DAAM1: variants seen among roughly 807,000 people sequenced by gnomAD.
DAAM1 encodes the protein disheveled-associated activator of morphogenesis 1.
DAAM1 carries 52 observed loss-of-function variants against 130.0 expected under a neutral mutation model. That is an observed-to-expected ratio of 0.40 (90% CI 0.32 to 0.50). The LOEUF (loss-of-function observed/expected upper bound fraction) is 0.50. Among genes scored for constraint, DAAM1 ranks in the 20% least tolerant of loss-of-function variants. The pLI is 0.61. For synonymous variants in DAAM1, 452 were observed against 444.5 expected (o/e 1.02, Z -0.21); for missense variants, 1,134 against 1,303.8 (o/e 0.87, Z 2.01).
At chr14:59,306,714 G>A (rs1351600852) in intron 3 of DAAM1, among the ~76,000 whole-genome samples, 1 of 151,798 alleles carries the variant, frequency 6.6e-6, no homozygotes, top group East Asian at 1.9e-4. Flanking sequence ...AATAATGCAG[G>A]AAGACTTAGT....
intron 1 of DAAM1, among the ~76,000 whole-genome samples, chr14:59,258,100 G>A (rs184817852): frequency 6.9e-4 from 105 of 152,196 alleles, no homozygotes; most frequent in Middle Eastern, 6.8e-3. Context: ...AAGCACACAG[G>A]CATCTTTTCT....
intron 1 of DAAM1, among the ~76,000 whole-genome samples, chr14:59,247,672 C>T (rs771939621): frequency 2.6e-5 from 4 of 151,392 alleles, no homozygotes; most frequent in African/African-American, 7.3e-5. Flanking sequence ...AAACTTTCAG[C>T]GACAGGTTGA....
At chr14:59,203,727 A>T (rs553805012) in intron 1 of DAAM1, among the ~76,000 whole-genome samples, 1 of 152,200 alleles carries the variant, frequency 6.6e-6, no homozygotes, top group African/African-American at 2.4e-5. Context: ...AAGCTTTCTT[A>T]TACTTTATAC....
intron 1 of DAAM1, among the ~76,000 whole-genome samples, chr14:59,218,550 A>G (rs915175207): frequency 2.0e-5 from 3 of 152,238 alleles, no homozygotes; most frequent in Non-Finnish European, 4.4e-5. Context: ...CTGAAACAAT[A>G]TGTAAATAGT....
chr14:59,330,687 G>A lies in DAAM1; in HGVS notation c.1559G>A (p.Arg520Lys). Reference protein sequence around the residue: ...DLTAQLHELSRRAVCASIPGG... With the variant: ...DLTAQLHELSKRAVCASIPGG... Reference sequence around the variant, plus strand: ...ACAGCACAGCTCCATGAGCTCAGCAGGGTGAGGTCTTCCGCTCAGCTCACG... The same window carrying A: ...ACAGCACAGCTCCATGAGCTCAGCAAGGTGAGGTCTTCCGCTCAGCTCACG... The change falls in exon 13 of 25, where the codon AGG becomes AAG. Residue 520 changes from arginine to lysine, a missense_variant and splice_region_variant. Physicochemically the swap from Arg to Lys is conservative, Grantham distance 26. This residue lies in a region of DAAM1 where 644 missense variants were observed against 695.9 expected (regional missense o/e 0.93). Coordinates refer to ENST00000360909, the MANE Select transcript of DAAM1 (RefSeq NM_001270520.2). 1 of 1,607,212 alleles carries A rather than the reference G, an allele frequency of 6.2e-7. No homozygotes were observed. The highest frequency in any genetic ancestry group is 1.7e-5 in the Admixed American group (1 of 58,918).
At position 59,356,718 on chromosome 14, in the gene DAAM1, A is replaced by G. The variant is rs531510164; in HGVS notation, c.2525+1385A>G. ...GCATTCTCTTCAACTGTACACACAC[A>G]AAAGCAATCACCCATCCCCAATACT... On this transcript the variant is annotated intron_variant, in intron 20 of 24. Transcript: ENST00000360909. 1.3e-4 allele frequency among the ~76,000 whole-genome samples: 20 copies of G among 152,380 alleles called. No individual in the cohort carries two copies. In the South Asian group the frequency reaches 3.3e-3, roughly 25 times the overall value.
chr14:59,228,186 AAATGT>A (rs1315665087), intron 1 of DAAM1, among the ~76,000 whole-genome samples: 1 of 152,202 alleles, frequency 6.6e-6, no homozygotes, highest in Admixed American at 6.5e-5. Flanking sequence ...CATGATGGGA[AAATGT>A]AATCACAGTG....
rs2139434947 is a variant in DAAM1 at position 59,225,755 on chromosome 14, C to G, written c.-38+36987C>G. 1.3e-5 allele frequency among the ~76,000 whole-genome samples: 2 copies of G among 152,300 alleles called. 1 individual carries two copies. The highest frequency in any genetic ancestry group is 4.8e-5 in the African/African-American group (2 of 41,544). Reference sequence around the variant, plus strand: ...GTACAGATTCTGGGCAAGGTTTGATCTAGTTTCCTTTTTTGTAAAGTATTA... The same window carrying G: ...GTACAGATTCTGGGCAAGGTTTGATGTAGTTTCCTTTTTTGTAAAGTATTA... On this transcript the variant is annotated intron_variant, in intron 1 of 24. Transcript: ENST00000360909.
intron 1 of DAAM1, among the ~76,000 whole-genome samples, chr14:59,254,764 C>G (rs1417314639): frequency 6.6e-6 from 1 of 152,154 alleles, no homozygotes; most frequent in African/African-American, 2.4e-5. Context: ...GGATTTATAC[C>G]CTAAACCCAT....
chr14:59,262,148 T>A (rs1291167692), intron 1 of DAAM1, among the ~76,000 whole-genome samples: 1 of 152,200 alleles, frequency 6.6e-6, no homozygotes, highest in Non-Finnish European at 1.5e-5. Context: ...TAAAAAAGCA[T>A]GAAAAGAACA....
At position 59,331,465 on chromosome 14, in the gene DAAM1, C is replaced by T; in HGVS notation, c.1817C>T (p.Pro606Leu). 6.2e-7 allele frequency: 1 copy of T among 1,611,834 alleles called. No homozygotes were observed. The highest frequency in any genetic ancestry group is 8.5e-7 in the Non-Finnish European group (1 of 1,178,920). The change falls in exon 14 of 25, where the codon CCC becomes CTC. Residue 606 changes from proline to leucine, a missense_variant. Transcript: ENST00000360909. ...CTGAAGAAGAAAAGCATTCCTCAGCCCACAAATGCCCTGAAATCCTTCAAC... is the reference window on the plus strand; with the variant it reads ...CTGAAGAAGAAAAGCATTCCTCAGCTCACAAATGCCCTGAAATCCTTCAAC... ...LALKKKSIPQPTNALKSFNWS... is the reference protein window; with the variant it reads ...LALKKKSIPQLTNALKSFNWS...
chr14:59,275,344 A>T (rs980736626), intron 2 of DAAM1, among the ~76,000 whole-genome samples: 1 of 152,196 alleles, frequency 6.6e-6, no homozygotes, highest in Non-Finnish European at 1.5e-5. Context: ...ACTAGGTTTA[A>T]TAGCTGGGTG....
intron 1 of DAAM1, among the ~76,000 whole-genome samples, chr14:59,228,977 A>G (rs1358108383): frequency 5.9e-5 from 9 of 152,184 alleles, no homozygotes; most frequent in Admixed American, 5.9e-4. Flanking sequence ...CATTGTATTT[A>G]GAAAATGTTA....
intron 3 of DAAM1, among the ~76,000 whole-genome samples, chr14:59,296,192 GC>G (rs2056273599): frequency 6.6e-6 from 1 of 152,216 alleles, no homozygotes; most frequent in South Asian, 2.1e-4. Flanking sequence ...AAGCACAGTA[GC>G]TGCAGGACAA....
At chr14:59,209,744 T>C (rs1011017215) in intron 1 of DAAM1, among the ~76,000 whole-genome samples, 5 of 152,180 alleles carry the variant, frequency 3.3e-5, no homozygotes, top group Non-Finnish European at 2.9e-5. Flanking sequence ...TACAGTGTTA[T>C]CAACATACAA....
intron 22 of DAAM1, chr14:59,363,072 T>C (rs940836581): frequency 1.3e-5 from 2 of 152,580 alleles, no homozygotes; most frequent in African/African-American, 2.4e-5. Context: ...AATGGAAATA[T>C]GGATAATTAA....
At chr14:59,195,408 G>A (rs1430139332) in intron 1 of DAAM1, among the ~76,000 whole-genome samples, 1 of 152,088 alleles carries the variant, frequency 6.6e-6, no homozygotes, top group Non-Finnish European at 1.5e-5. Flanking sequence ...CTCCCAAAGA[G>A]CTGGGATTAC....
chr14:59,199,849 A>G (rs1294169862), intron 1 of DAAM1, among the ~76,000 whole-genome samples: 1 of 152,192 alleles, frequency 6.6e-6, no homozygotes, highest in Non-Finnish European at 1.5e-5. Context: ...AGATGCCAGT[A>G]ACATCCCCTC....
At chr14:59,200,299 A>G (rs1364186470) in intron 1 of DAAM1, among the ~76,000 whole-genome samples, 1 of 152,140 alleles carries the variant, frequency 6.6e-6, no homozygotes, top group Non-Finnish European at 1.5e-5. Flanking sequence ...GGTAAGGAGG[A>G]TGGGGCTTTG....
Sources: gnomAD v4.1 joint callset for allele counts (sites outside exome capture counted in the v4.1 genomes callset) on GRCh38, gnomAD v4.1.1 for gene constraint, gnomAD v4.1.1 regional missense constraint, MANE v1.5 for transcripts, NCBI Gene and HGNC (gene_info 2026-07-23, HGNC 2026-07-21) for gene names.